The following DYNC2H1 variants were observed in gnomAD, a reference collection of about 807,000 sequenced individuals.
DYNC2H1 encodes the protein cytoplasmic dynein 2 heavy chain 1.
A neutral mutation model predicts 570.0 loss-of-function variants in DYNC2H1; 410 were observed. That is an observed-to-expected ratio of 0.72 (90% CI 0.66 to 0.78). The LOEUF (loss-of-function observed/expected upper bound fraction) is 0.78. Among genes scored for constraint, DYNC2H1 ranks in the 30% least tolerant of loss-of-function variants. The probability of loss-of-function intolerance (pLI) is 0.00; values close to 1 mark genes in which losing one functional copy is unlikely to be tolerated. For missense variants in DYNC2H1, 4,865 were observed against 5,046.4 expected, an observed-to-expected ratio of 0.96 and a Z score of 1.09; for synonymous variants, 1,688 against 1,677.6, an observed-to-expected ratio of 1.01 and a Z score of -0.15.
In DYNC2H1 at chr11:103,143,411, G is replaced by A. The variant is rs748803524; in HGVS notation, c.2702+16G>A. The A allele has an allele frequency of 1.3e-6, 2 of 1,598,702 alleles. No individual in the cohort carries two copies. The highest frequency in any genetic ancestry group is 8.5e-7 in the Non-Finnish European group (1 of 1,173,886). ...GACTTCCAAGGTATTGGAGGTTAAT[G>A]TAGTACTTACGTACCATAATAATTT... On this transcript the variant is annotated intron_variant, in intron 18 of 88. Transcript: ENST00000375735.
chr11:103,310,355 G>A (rs1167222104), intron 78 of DYNC2H1, among the ~76,000 whole-genome samples: 2 of 151,896 alleles, frequency 1.3e-5, no homozygotes, highest in African/African-American at 4.8e-5. Flanking sequence ...GTCTGAATTT[G>A]CAGCTTAATA....
chr11:103,412,819 CTTTATTATATAAT>C (rs1410225143), intron 84 of DYNC2H1, among the ~76,000 whole-genome samples: 1 of 152,140 alleles, frequency 6.6e-6, no homozygotes, highest in Non-Finnish European at 1.5e-5. Context: ...ACATATAGAA[CTTTATTATATAAT>C]TTTGAGATGT....
intron 70 of DYNC2H1, among the ~76,000 whole-genome samples, chr11:103,279,132 C>T (rs1866029072): frequency 6.6e-6 from 1 of 152,138 alleles, no homozygotes. Context: ...GTTTTTGATA[C>T]ATCATGTTAC....
At chr11:103,429,579 T>C (rs1943814939) in intron 84 of DYNC2H1, among the ~76,000 whole-genome samples, 1 of 152,220 alleles carries the variant, frequency 6.6e-6, no homozygotes, top group Non-Finnish European at 1.5e-5. Context: ...TCATTGTCTG[T>C]GTTGTACTTC....
At position 103,324,269 on chromosome 11, in the gene DYNC2H1, C is replaced by T. The variant is rs907881455; in HGVS notation, c.12039+279C>T. ...GTTTGGTGTACAGATTATTTTATCA[C>T]GTAGGTAATAAGTATAGTGCCCAAC... On this transcript the variant is annotated intron_variant, in intron 82 of 88. Coordinates refer to ENST00000375735, the MANE Select transcript of DYNC2H1 (RefSeq NM_001377.3). The surrounding 1 kb of genome is among the most constrained non-coding windows in gnomAD (Gnocchi z 5.2). Among the ~76,000 whole-genome samples the T allele has an allele frequency of 5.9e-5, 9 of 151,972 alleles. No homozygotes were observed. The highest frequency in any genetic ancestry group is 3.3e-4 in the Admixed American group (5 of 15,238).
intron 83 of DYNC2H1, among the ~76,000 whole-genome samples, chr11:103,383,252 G>A (rs542691531): frequency 6.6e-6 from 1 of 152,276 alleles, no homozygotes; most frequent in East Asian, 1.9e-4. Context: ...TCACGTTCTT[G>A]TATAGAAATT....
chr11:103,335,888 G>A (rs1939097678), intron 82 of DYNC2H1, among the ~76,000 whole-genome samples: 1 of 152,108 alleles, frequency 6.6e-6, no homozygotes, highest in Admixed American at 6.5e-5. Flanking sequence ...CTATACGTGA[G>A]GATATTGAGG....
chr11:103,113,513 A>G (rs1858214938), intron 1 of DYNC2H1, 24 bp from the exon 2 acceptor site: 1 of 1,484,440 alleles, frequency 6.7e-7, no homozygotes, highest in Non-Finnish European at 8.9e-7. Context: ...TGAAGATAAC[A>G]TTAAAAATCA....
chr11:103,245,300 C>G lies in DYNC2H1; in HGVS notation c.9968C>G (p.Thr3323Ser), dbSNP rs1297244083. 8 of 1,559,780 alleles carry G rather than the reference C, an allele frequency of 5.1e-6. No homozygotes were observed. Among genetic ancestry groups the G allele is most frequent in the Non-Finnish European group, 7.0e-6 (8 of 1,150,960 alleles). Residue 3323 changes from threonine to serine, a missense_variant, in exon 65 of 89, where the codon ACC becomes AGC. By Grantham distance (58) the Thr-to-Ser change is moderately conservative (BLOSUM62 1). This residue lies in a region of DYNC2H1 where 2,401 missense variants were observed against 2,454.6 expected (regional missense o/e 0.98). Coordinates refer to ENST00000375735, the MANE Select transcript of DYNC2H1 (RefSeq NM_001377.3). This position sits in a 1 kb window ranked among gnomAD's most constrained non-coding sequence, Gnocchi z 4.5. ...GAATTAGCAGTACGTTTTGGGAAAACCCTTATTATACAAGAGATGGATGGT... is the reference window on the plus strand; with the variant it reads ...GAATTAGCAGTACGTTTTGGGAAAAGCCTTATTATACAAGAGATGGATGGT... ...ALELAVRFGKTLIIQEMDGVE... is the reference protein window; with the variant it reads ...ALELAVRFGKSLIIQEMDGVE...
rs373776864 is a variant in DYNC2H1 at position 103,321,190 on chromosome 11, A to G, written c.11887A>G (p.Ser3963Gly). The G allele has an allele frequency of 7.9e-5, 127 of 1,611,598 alleles. No homozygotes were observed. The highest frequency in any genetic ancestry group is 9.7e-5 in the Non-Finnish European group (114 of 1,178,726). Reference sequence around the variant, plus strand: ...TGTATTCAACCAAAGGAACAAGAAAAGCATTTTTCCATATTCCGTATCTCT... The same window carrying G: ...TGTATTCAACCAAAGGAACAAGAAAGGCATTTTTCCATATTCCGTATCTCT... The part of the protein sequence containing the change: ...IDVFNQRNKK[S>G]IFPYSVSLPQ... The change falls in exon 81 of 89, where the codon AGC becomes GGC. Residue 3963 changes from serine (S) to glycine (G), a missense_variant. By Grantham distance (56) the Ser-to-Gly change is moderately conservative. Coordinates refer to ENST00000375735, the MANE Select transcript of DYNC2H1 (RefSeq NM_001377.3).
chr11:103,453,560 CAAATT>C (rs1469186239), intron 85 of DYNC2H1, among the ~76,000 whole-genome samples: 1 of 149,426 alleles, frequency 6.7e-6, no homozygotes, highest in Non-Finnish European at 1.5e-5. Context: ...CCCTTCTTGA[CAAATT>C]ATATTATTCA....
chr11:103,468,654 T>A lies in DYNC2H1; in HGVS notation c.12714T>A (p.Asp4238Glu). 6.2e-7 allele frequency: 1 copy of A among 1,613,820 alleles called. No individual in the cohort carries two copies. Reference protein sequence around the residue: ...DGNQLSENQLDSPSVSSVLPC... With the variant: ...DGNQLSENQLESPSVSSVLPC... ...ATCAACTTTCTGAAAATCAGCTTGATTCTCCCAGCGTGTCATCAGTGCTCC... is the reference window on the plus strand; with the variant it reads ...ATCAACTTTCTGAAAATCAGCTTGAATCTCCCAGCGTGTCATCAGTGCTCC... The change falls in exon 88 of 89, where the codon GAT becomes GAA. Residue 4238 changes from aspartate (D) to glutamate (E), a missense_variant. Coordinates refer to ENST00000375735, the MANE Select transcript of DYNC2H1 (RefSeq NM_001377.3).
chr11:103,192,201 GA>G lies in DYNC2H1; in HGVS notation c.7646del (p.Asp2549AlafsTer4). On this transcript the variant is annotated frameshift_variant, in exon 47 of 89. Coordinates refer to ENST00000375735, the MANE Select transcript of DYNC2H1 (RefSeq NM_001377.3). LOFTEE classifies it high-confidence loss of function. Reference sequence around the variant, plus strand: ...TGGTGCAAAGGAACTTCATTTATTTGACATCATTTTAACATCAGTGTTTCAA... The same window carrying G: ...TGGTGCAAAGGAACTTCATTTATTTGCATCATTTTAACATCAGTGTTTCAA... ...IVGAKELHLF[D>X]IILTSVFQGD... 6.3e-7 allele frequency: 1 copy of G among 1,589,236 alleles called. No individual in the cohort carries two copies. Among genetic ancestry groups the G allele is most frequent in the Non-Finnish European group, 8.6e-7 (1 of 1,164,826 alleles).
intron 83 of DYNC2H1, among the ~76,000 whole-genome samples, chr11:103,384,746 C>A (rs1475398417): frequency 6.6e-6 from 1 of 152,054 alleles, no homozygotes; most frequent in African/African-American, 2.4e-5. Flanking sequence ...GTCTGTCTTT[C>A]TTGTTGTTGT....
chr11:103,187,638 C>A, intron 43 of DYNC2H1, 52 bp downstream of exon 43: 1 of 1,576,208 alleles, frequency 6.3e-7, no homozygotes, highest in African/African-American at 1.4e-5. Flanking sequence ...AATTTAATTT[C>A]ATTAACTTTT....
intron 88 of DYNC2H1, among the ~76,000 whole-genome samples, chr11:103,477,210 A>G (rs186823583): frequency 1.3e-5 from 2 of 152,228 alleles, no homozygotes; most frequent in African/African-American, 4.8e-5. Flanking sequence ...ACAGAATAAG[A>G]GACATTAGTT....
Position 103,131,482 on chromosome 11 carries a change from G to A in DYNC2H1, c.1954-2073G>A, listed in dbSNP as rs531828557. The stretch of plus-strand genomic sequence containing the variant: ...TTTTTGTATTTTTTAGTAGAGATGG[G>A]GTTTCACCGTGTTAGCCAGGATGGT... On this transcript the variant is annotated intron_variant, in intron 13 of 88. Transcript: ENST00000375735. 2.6e-5 allele frequency among the ~76,000 whole-genome samples: 4 copies of A among 151,732 alleles called. No individual in the cohort carries two copies. In the East Asian group the frequency reaches 5.8e-4, roughly 22 times the overall value.
At chr11:103,415,458 T>G (rs1369342243) in intron 84 of DYNC2H1, among the ~76,000 whole-genome samples, 1 of 151,438 alleles carries the variant, frequency 6.6e-6, no homozygotes, top group African/African-American at 2.4e-5. Context: ...TACAAAGAAC[T>G]CGTTAAAAAC....
In DYNC2H1 at chr11:103,122,845, T is replaced by G; in HGVS notation, c.1506T>G (p.Ile502Met). ...LELKVDDTIK[I>M]AEALLSDLPG... ...TTAAGGTAGATGATACTATCAAGAT[T>G]GCAGAGGCTCTTTTATCTGACTTGC... Residue 502 changes from isoleucine (I) to methionine (M), a missense_variant, in exon 11 of 89, where the codon ATT becomes ATG. Around this residue, in one of 5 missense-constraint regions of DYNC2H1, gnomAD observed 1,936 missense variants for 1,962.1 expected, o/e 0.99. Transcript: ENST00000375735. 1.2e-6 allele frequency: 2 copies of G among 1,613,216 alleles called. No homozygotes were observed. The highest frequency in any genetic ancestry group is 1.7e-6 in the Non-Finnish European group (2 of 1,179,518).
Sources: allele counts gnomAD v4.1 joint callset (sites outside exome capture counted in the v4.1 genomes callset), GRCh38; gene constraint gnomAD v4.1.1; regional missense constraint gnomAD v4.1.1; non-coding constraint Gnocchi (gnomAD v3.1); transcripts MANE v1.5; gene names NCBI Gene and HGNC (gene_info 2026-07-23, HGNC 2026-07-21).